Variants in PRKAA2 observed in about 807,000 individuals in gnomAD.
PRKAA2 encodes 5'-AMP-activated protein kinase catalytic subunit alpha-2.
In PRKAA2, 40 loss-of-function variants were observed where a neutral mutation model predicts 56.3. The observed-to-expected ratio is 0.71, with a 90% CI of 0.55 to 0.92. The LOEUF (loss-of-function observed/expected upper bound fraction) is 0.92. Among genes scored for constraint, PRKAA2 ranks in the 40% least tolerant of loss-of-function variants. The pLI is 0.00. For synonymous variants in PRKAA2, 214 were observed against 234.2 expected (o/e 0.91, Z 0.79); for missense variants, 542 against 686.9 (o/e 0.79, Z 2.36).
intron 2 of PRKAA2, among the ~76,000 whole-genome samples, chr1:56,676,273 AAAT>A (rs1644112570): frequency 6.6e-6 from 1 of 152,240 alleles, no homozygotes; most frequent in Non-Finnish European, 1.5e-5. Context: ...TAGGTGGGCC[AAAT>A]ATTAACACAG....
chr1:56,697,190 A>AT (rs1052771373), intron 6 of PRKAA2, among the ~76,000 whole-genome samples: 1 of 150,018 alleles, frequency 6.7e-6, no homozygotes, highest in Non-Finnish European at 1.5e-5. Flanking sequence ...ATTTTTTTTA[A>AT]TTTTTTTATT....
intron 2 of PRKAA2, among the ~76,000 whole-genome samples, chr1:56,682,078 G>T (rs982145771): frequency 6.6e-6 from 1 of 152,084 alleles, no homozygotes; most frequent in Non-Finnish European, 1.5e-5. Flanking sequence ...CACATCCCTT[G>T]TAAGTTGGAT....
At chr1:56,677,377 G>A (rs1043911756) in intron 2 of PRKAA2, among the ~76,000 whole-genome samples, 2 of 152,278 alleles carry the variant, frequency 1.3e-5, no homozygotes, top group Admixed American at 6.5e-5. Flanking sequence ...TCCCCACTGA[G>A]TGTCCACTTC....
At chr1:56,705,395 A>ATTT (rs1218488774) in intron 7 of PRKAA2, among the ~76,000 whole-genome samples, 5 of 119,956 alleles carry the variant, frequency 4.2e-5, no homozygotes, top group East Asian at 3.1e-4. Context: ...TTTTTTGTTT[A>ATTT]TTTTTTGTTG....
intron 1 of PRKAA2, among the ~76,000 whole-genome samples, chr1:56,651,801 T>G (rs1199460911): frequency 6.6e-6 from 1 of 152,088 alleles, no homozygotes; most frequent in Non-Finnish European, 1.5e-5. Flanking sequence ...CCATGTTTAT[T>G]AGAAATACTA....
Position 56,712,237 on chromosome 1 carries a change from T to C in PRKAA2, c.*4524T>C, listed in dbSNP as rs1644373347. On this transcript the variant is annotated 3_prime_UTR_variant, in exon 9 of 9. Transcript: ENST00000371244. Reference sequence around the variant, plus strand: ...GTATCCAGCAGTGATCAATTGCTCTTTATAGGAAACCACCTTTCCTCTGGG... The same window carrying C: ...GTATCCAGCAGTGATCAATTGCTCTCTATAGGAAACCACCTTTCCTCTGGG... The C allele has an allele frequency of 2.6e-5, 4 of 152,190 alleles. No homozygotes were observed. Among genetic ancestry groups the C allele is most frequent in the Admixed American group, 2.6e-4 (4 of 15,280 alleles). The allele number at this position is 152,190 out of a possible 1,614,324, so 9.4% of individuals were successfully genotyped here.
chr1:56,685,240 C>T (rs1644182785), intron 2 of PRKAA2, among the ~76,000 whole-genome samples: 1 of 152,118 alleles, frequency 6.6e-6, no homozygotes, highest in African/African-American at 2.4e-5. Flanking sequence ...GTTTATATCA[C>T]AGATTATCTA....
chr1:56,685,614 A>C (rs1024485248), intron 2 of PRKAA2, among the ~76,000 whole-genome samples: 2 of 152,230 alleles, frequency 1.3e-5, no homozygotes, highest in African/African-American at 4.8e-5. Context: ...TACACTACTT[A>C]GTCTTTCAAA....
rs1644381700 is a variant in PRKAA2 at position 56,713,350 on chromosome 1, T to G, written c.*5637T>G. On this transcript the variant is annotated 3_prime_UTR_variant, in exon 9 of 9. Transcript: ENST00000371244. The stretch of plus-strand genomic sequence containing the variant: ...CTAATGTTAATGTTTACTGCCAGCC[T>G]TGCATAGCAATGCCAGTTTGCAGTT... 6.6e-6 allele frequency: 1 copy of G among 152,210 alleles called. No homozygotes were observed. The highest frequency in any genetic ancestry group is 1.5e-5 in the Non-Finnish European group (1 of 68,028). The allele number at this position is 152,210 out of a possible 1,614,324, so 9.4% of individuals were successfully genotyped here.
intron 1 of PRKAA2, among the ~76,000 whole-genome samples, chr1:56,668,424 AAAG>A (rs1644051474): frequency 6.6e-6 from 1 of 151,880 alleles, no homozygotes; most frequent in African/African-American, 2.4e-5. Flanking sequence ...AAAAAAAAAA[AAAG>A]AAATACCACC....
intron 8 of PRKAA2, among the ~76,000 whole-genome samples, chr1:56,706,980 C>G (rs1022362533): frequency 1.3e-5 from 2 of 152,124 alleles, no homozygotes; most frequent in Admixed American, 6.6e-5. Flanking sequence ...AAACGCAGAT[C>G]CCTGGGAACC....
In PRKAA2 at chr1:56,674,494, C is replaced by A; in HGVS notation, c.208C>A (p.Leu70Ile). 1 of 1,547,476 alleles carries A rather than the reference C, an allele frequency of 6.5e-7. No homozygotes were observed. The highest frequency in any genetic ancestry group is 8.8e-7 in the Non-Finnish European group (1 of 1,139,810). ...AAAACGAGAAATTCAAAATCTAAAA[C>A]TCTTTCGTCATCCTCATATTATCAA... ...KIKREIQNLK[L>I]FRHPHIIKLY... The change falls in exon 2 of 9, where the codon CTC becomes ATC. Residue 70 changes from leucine to isoleucine, a missense_variant. Physicochemically the swap from Leu to Ile is conservative, Grantham distance 5. Coordinates refer to ENST00000371244, the MANE Select transcript of PRKAA2 (RefSeq NM_006252.4).
chr1:56,681,183 C>T (rs185804950), intron 2 of PRKAA2, among the ~76,000 whole-genome samples: 48 of 152,254 alleles, frequency 3.2e-4, no homozygotes, highest in Admixed American at 1.6e-3. Context: ...TCATATCCTT[C>T]GCCCACTTTT....
intron 2 of PRKAA2, among the ~76,000 whole-genome samples, chr1:56,679,817 C>T (rs1353384766): frequency 6.6e-6 from 1 of 152,112 alleles, no homozygotes; most frequent in Non-Finnish European, 1.5e-5. Context: ...TATCCTGAGA[C>T]AGCAAGACCA....
Position 56,710,161 on chromosome 1 carries a change from G to A in PRKAA2, c.*2448G>A, listed in dbSNP as rs1644360123. 2.6e-5 allele frequency: 4 copies of A among 152,068 alleles called. No individual in the cohort carries two copies. The highest frequency in any genetic ancestry group is 5.9e-5 in the Non-Finnish European group (4 of 67,982). 9.4% of individuals were successfully genotyped at this position (152,068 alleles called of 1,614,324 possible). On this transcript the variant is annotated 3_prime_UTR_variant, in exon 9 of 9. Transcript: ENST00000371244. Reference sequence around the variant, plus strand: ...AATGTGATAGGTAGATGTGGGCTAAGAATAATTTCCTCCAGTGAAGACACG... The same window carrying A: ...AATGTGATAGGTAGATGTGGGCTAAAAATAATTTCCTCCAGTGAAGACACG...
intron 1 of PRKAA2, among the ~76,000 whole-genome samples, chr1:56,672,588 G>A (rs1188664444): frequency 6.6e-6 from 1 of 152,144 alleles, no homozygotes; most frequent in Non-Finnish European, 1.5e-5. Flanking sequence ...GAAACCTGGG[G>A]ATACTAACCT....
chr1:56,692,796 T>TTG (rs954614466), intron 4 of PRKAA2, among the ~76,000 whole-genome samples: 4 of 151,810 alleles, frequency 2.6e-5, no homozygotes, highest in East Asian at 1.9e-4. Context: ...TTTTTGTTTT[T>TTG]TTTTTTTTTG....
At chr1:56,647,516 A>C (rs920571106) in intron 1 of PRKAA2, among the ~76,000 whole-genome samples, 1 of 152,178 alleles carries the variant, frequency 6.6e-6, no homozygotes, top group African/African-American at 2.4e-5. Flanking sequence ...GGCTTCTTAA[A>C]ATATAAACAG....
At chr1:56,659,339 T>G (rs1643974550) in intron 1 of PRKAA2, among the ~76,000 whole-genome samples, 1 of 150,914 alleles carries the variant, frequency 6.6e-6, no homozygotes, top group East Asian at 2.0e-4. Context: ...CTACTAAAAA[T>G]ACAAAAAATG....
Sources: allele counts gnomAD v4.1 joint callset (sites outside exome capture counted in the v4.1 genomes callset), GRCh38; gene constraint gnomAD v4.1.1; transcripts MANE v1.5; gene names NCBI Gene and HGNC (gene_info 2026-07-23, HGNC 2026-07-21).